Variants in PREX1 observed in about 807,000 individuals in gnomAD.
PREX1 encodes phosphatidylinositol-3,4,5-trisphosphate dependent Rac exchange factor 1, also known as phosphatidylinositol 3,4,5-trisphosphate-dependent Rac exchanger 1 protein.
A neutral mutation model predicts 198.3 loss-of-function variants in PREX1; 41 were observed. That is an observed-to-expected ratio of 0.21 (90% CI 0.16 to 0.27). The LOEUF (loss-of-function observed/expected upper bound fraction) is 0.27. Ranked by LOEUF, PREX1 falls within the 10% of genes least tolerant of loss-of-function variation. PREX1 has a pLI of 1.00. For missense variants in PREX1, 1,620 were observed against 2,200.7 expected (o/e 0.74, Z 5.28); for synonymous variants, 843 against 887.2 (o/e 0.95, Z 0.89).
intron 30 of PREX1, among the ~76,000 whole-genome samples, chr20:48,638,047 T>G (rs762776109): frequency 6.6e-6 from 1 of 152,124 alleles, no homozygotes; most frequent in Non-Finnish European, 1.5e-5. Context: ...CCCCACACCT[T>G]GTTCACATAA....
intron 1 of PREX1, among the ~76,000 whole-genome samples, chr20:48,773,818 G>C (rs989391505): frequency 6.6e-6 from 1 of 152,216 alleles, no homozygotes; most frequent in Non-Finnish European, 1.5e-5. Context: ...GGGAAGGACA[G>C]GATCTGACCT....
chr20:48,720,078 C>T (rs999867593), intron 5 of PREX1, among the ~76,000 whole-genome samples: 2 of 152,208 alleles, frequency 1.3e-5, no homozygotes, highest in African/African-American at 2.4e-5. Flanking sequence ...TGCCCCAGGG[C>T]CTTTGCACTG....
At position 48,675,286 on chromosome 20, in the gene PREX1, G is replaced by A. The variant is rs1009817553; in HGVS notation, c.1665+907C>T. ...ATCTTGGAAACAGACGGCAGCCTTC[G>A]ACAGACACCGAACCTGCCGGCACCT... On this transcript the variant is annotated intron_variant, in intron 14 of 39. Coordinates refer to ENST00000371941, the MANE Select transcript of PREX1 (RefSeq NM_020820.4). Among the ~76,000 whole-genome samples the A allele has an allele frequency of 2.0e-5, 3 of 152,212 alleles. No individual in the cohort carries two copies. The East Asian group carries it at 5.8e-4, about 29-fold the overall frequency.
intron 1 of PREX1, among the ~76,000 whole-genome samples, chr20:48,766,026 T>C (rs964597330): frequency 1.3e-5 from 2 of 152,118 alleles, no homozygotes; most frequent in Non-Finnish European, 2.9e-5. Context: ...CTTACGAGAA[T>C]CTAATGCCTG....
chr20:48,658,080 G>A (rs1019260744), intron 17 of PREX1, 56 bp downstream of exon 17: 1 of 1,529,212 alleles, frequency 6.5e-7, no homozygotes, highest in South Asian at 1.2e-5. Context: ...GGTGAAGAGA[G>A]ACACCCCGCT....
At chr20:48,634,619 G>T in intron 33 of PREX1, 57 bp downstream of exon 33, 2 of 1,562,826 alleles carry the variant, frequency 1.3e-6, no homozygotes, top group Non-Finnish European at 1.8e-6. Context: ...CCAGAGAGCT[G>T]TCCCTTCCAC....
intron 1 of PREX1, among the ~76,000 whole-genome samples, chr20:48,818,173 A>C (rs1019682583): frequency 1.3e-5 from 2 of 152,198 alleles, no homozygotes; most frequent in Non-Finnish European, 2.9e-5. Context: ...GGTGCATTTG[A>C]GAAAAGGCAA....
chr20:48,679,557 C>G (rs2089734197), intron 12 of PREX1, 94 bp downstream of exon 12: 1 of 1,419,130 alleles, frequency 7.0e-7, no homozygotes, highest in Non-Finnish European at 9.9e-7. Flanking sequence ...AGAAGGCAAA[C>G]AAGCCAAGGG....
chr20:48,750,235 C>T (rs2179635), intron 1 of PREX1, among the ~76,000 whole-genome samples: 6 of 151,896 alleles, frequency 4.0e-5, no homozygotes, highest in African/African-American at 1.5e-4. Context: ...ACCACCCCCC[C>T]AGTCCAAGCC....
chr20:48,841,047 C>T, the PREX1 span, among the ~76,000 whole-genome samples: 1 of 152,064 alleles, frequency 6.6e-6, no homozygotes, highest in Non-Finnish European at 1.5e-5. Flanking sequence ...CCTTAGCCTC[C>T]TGAGTAGCTA....
chr20:48,848,930 G>T, the PREX1 span, among the ~76,000 whole-genome samples: 1 of 151,802 alleles, frequency 6.6e-6, no homozygotes, highest in Non-Finnish European at 1.5e-5. Context: ...AGAGACGGGG[G>T]TTTCACCATA....
rs764406054 is a variant in PREX1, at chr20:48,650,072, G to A, written c.2952C>T (p.Thr984=). 2.8e-5 allele frequency: 45 copies of A among 1,614,124 alleles called. No individual in the cohort carries two copies. The highest frequency in any genetic ancestry group is 1.6e-4 in the Middle Eastern group (1 of 6,084). The change falls in exon 24 of 40, where the codon ACC becomes ACT. Residue 984 remains threonine, a synonymous_variant. Coordinates refer to ENST00000371941, the MANE Select transcript of PREX1 (RefSeq NM_020820.4). The part of the protein sequence containing the change: ...INLMEVSYPK[T]TPSVGRSFSI... ...TGAAGGACCTGCCCACTGAGGGGGT[G>A]GTCTTGGGGTAGGACACTTCCATGA...
chr20:48,743,691 A>T (rs1293390979), intron 3 of PREX1, among the ~76,000 whole-genome samples: 1 of 152,232 alleles, frequency 6.6e-6, no homozygotes, highest in Non-Finnish European at 1.5e-5. Flanking sequence ...TAATCCTCAC[A>T]ATGTCCTGGA....
chr20:48,676,993 G>A (rs570173164), intron 13 of PREX1, among the ~76,000 whole-genome samples: 6 of 152,280 alleles, frequency 3.9e-5, no homozygotes, highest in South Asian at 4.1e-4. Context: ...CATGGGTTCC[G>A]CTAACCTTGC....
chr20:48,679,760 G>A lies in PREX1; in HGVS notation c.1436-6C>T. The A allele has an allele frequency of 1.2e-6, 2 of 1,602,084 alleles. No individual in the cohort carries two copies. Among genetic ancestry groups the A allele is most frequent in the Non-Finnish European group, 1.7e-6 (2 of 1,169,086 alleles). On this transcript the variant is annotated splice_polypyrimidine_tract_variant and splice_region_variant and intron_variant, in intron 11 of 39. Coordinates refer to ENST00000371941, the MANE Select transcript of PREX1 (RefSeq NM_020820.4). ...GAACTGGTGCTTGTCGGAAACTGGA[G>A]AGACAGGAGGACCTGTGACGCTGGG...
chr20:48,668,549 G>A (rs2089655137), intron 14 of PREX1, among the ~76,000 whole-genome samples: 1 of 152,220 alleles, frequency 6.6e-6, no homozygotes, highest in Non-Finnish European at 1.5e-5. Context: ...GGCCCCGCCT[G>A]TACCCTCCCG....
At chr20:48,763,274 G>A (rs2426087) in intron 1 of PREX1, among the ~76,000 whole-genome samples, 3,003 of 152,358 alleles carry the variant, frequency 0.02, 36 homozygotes, top group Non-Finnish European at 0.029. Context: ...ACCAGCCCTC[G>A]CCCATCTGGG....
chr20:48,722,571 G>A (rs1045052493), intron 5 of PREX1, among the ~76,000 whole-genome samples: 1 of 152,104 alleles, frequency 6.6e-6, no homozygotes, highest in African/African-American at 2.4e-5. Flanking sequence ...TTTTAAAAAA[G>A]GCCACAGAGT....
chr20:48,637,905 T>G (rs1262942921), intron 30 of PREX1, among the ~76,000 whole-genome samples, 153 bp from the exon 31 acceptor site: 1 of 152,184 alleles, frequency 6.6e-6, no homozygotes, highest in Non-Finnish European at 1.5e-5. Context: ...AAGGAGGTTT[T>G]ATTGATTGTC....
Sources: gnomAD v4.1 joint callset for allele counts (sites outside exome capture counted in the v4.1 genomes callset) on GRCh38, gnomAD v4.1.1 for gene constraint, MANE v1.5 for transcripts, NCBI Gene and HGNC (gene_info 2026-07-23, HGNC 2026-07-21) for gene names.